The following COL13A1 variants were observed in gnomAD, a reference collection of about 807,000 sequenced individuals.
COL13A1 encodes collagen type XIII alpha 1 chain.
In COL13A1, 89 loss-of-function variants were observed where a neutral mutation model predicts 130.9. The observed-to-expected ratio is 0.68, with a 90% confidence interval of 0.57 to 0.81. The LOEUF (loss-of-function observed/expected upper bound fraction) is 0.81, where lower values mean the gene tolerates loss of function less well. Ranked by LOEUF, COL13A1 falls within the 30% of genes least tolerant of loss-of-function variation. The probability of loss-of-function intolerance (pLI) is 0.00; values close to 1 mark genes in which losing one functional copy is unlikely to be tolerated. For missense variants in COL13A1, 879 were observed against 934.6 expected (o/e 0.94, Z 0.78); for synonymous variants, 402 against 341.6 (o/e 1.18, Z -1.95).
intron 2 of COL13A1, among the ~76,000 whole-genome samples, chr10:69,833,662 A>G (rs1849334830): frequency 6.6e-6 from 1 of 152,220 alleles, no homozygotes; most frequent in Non-Finnish European, 1.5e-5. Context: ...GGCAAGTAAG[A>G]TTTCAGTAAA....
intron 35 of COL13A1, 34 bp downstream of exon 35, chr10:69,941,057 C>T: frequency 6.2e-7 from 1 of 1,613,672 alleles, no homozygotes; most frequent in Non-Finnish European, 8.5e-7. Context: ...CCTCACCCCA[C>T]TCCACTCCAC....
chr10:69,874,458 T>G (rs1430104686), intron 4 of COL13A1, among the ~76,000 whole-genome samples: 2 of 152,202 alleles, frequency 1.3e-5, no homozygotes, highest in South Asian at 2.1e-4. Context: ...GGAACAAAAC[T>G]TAATAAGCAG....
At chr10:69,939,247 C>T (rs1254303377) in intron 34 of COL13A1, among the ~76,000 whole-genome samples, 1 of 152,294 alleles carries the variant, frequency 6.6e-6, no homozygotes, top group East Asian at 1.9e-4. Flanking sequence ...GGGGAACCGT[C>T]CCTTCTCAGC....
intron 9 of COL13A1, among the ~76,000 whole-genome samples, chr10:69,889,030 C>A (rs1360382829): frequency 6.6e-6 from 1 of 152,204 alleles, no homozygotes; most frequent in Non-Finnish European, 1.5e-5. Context: ...AGTTACTCCC[C>A]AACTGCAGGC....
rs568549856 is a variant in COL13A1 at position 69,899,685 on chromosome 10, G to T, written c.750+923G>T. 4.6e-5 allele frequency among the ~76,000 whole-genome samples: 7 copies of T among 152,310 alleles called. No individual in the cohort carries two copies. The East Asian group carries it at 1.3e-3, about 29-fold the overall frequency. ...TCCTAACCCAAGGAGGCTTGGATAG[G>T]AGCAGATCACAAAGAACAAAGCCAT... On this transcript the variant is annotated intron_variant, in intron 14 of 40. Transcript: ENST00000645393.
At chr10:69,921,467 T>C (rs187295699) in intron 21 of COL13A1, among the ~76,000 whole-genome samples, 2 of 152,318 alleles carry the variant, frequency 1.3e-5, no homozygotes, top group South Asian at 2.1e-4. Context: ...AGCCCTTAGT[T>C]GCTAAGCATT....
At chr10:69,806,024 C>G (rs1841467081) in intron 1 of COL13A1, among the ~76,000 whole-genome samples, 1 of 152,270 alleles carries the variant, frequency 6.6e-6, no homozygotes, top group Admixed American at 6.5e-5. Flanking sequence ...ATGCTACACC[C>G]CTGCACTTCA....
intron 2 of COL13A1, among the ~76,000 whole-genome samples, chr10:69,859,235 T>G (rs1857285529): frequency 6.6e-6 from 1 of 152,270 alleles, no homozygotes; most frequent in South Asian, 2.1e-4. Context: ...GATGCAAAAG[T>G]AATTGCGGGT....
intron 1 of COL13A1, among the ~76,000 whole-genome samples, chr10:69,802,974 G>A (rs1213253836): frequency 1.3e-5 from 2 of 152,226 alleles, no homozygotes; most frequent in Non-Finnish European, 2.9e-5. Context: ...AGCGCCCTGG[G>A]CACGCCGGGC....
At chr10:69,869,983 A>T (rs1431084351) in intron 3 of COL13A1, among the ~76,000 whole-genome samples, 1 of 152,220 alleles carries the variant, frequency 6.6e-6, no homozygotes, top group East Asian at 1.9e-4. Flanking sequence ...AGTGTAACAT[A>T]GTGATTATGA....
intron 13 of COL13A1, chr10:69,897,605 C>T: frequency 6.6e-7 from 1 of 1,524,348 alleles, no homozygotes; most frequent in Non-Finnish European, 9.1e-7. Context: ...CAACATTGCA[C>T]ATCCCCAGGC....
At chr10:69,893,396 G>T (rs1273277420) in intron 10 of COL13A1, among the ~76,000 whole-genome samples, 1 of 152,222 alleles carries the variant, frequency 6.6e-6, no homozygotes, top group African/African-American at 2.4e-5. Context: ...AGCCACATGG[G>T]CTGGGAGTGC....
rs868340547 is a variant in COL13A1 at position 69,945,791 on chromosome 10, G to A, written c.2022+67G>A. On this transcript the variant is annotated intron_variant, in intron 37 of 40. Transcript: ENST00000645393. ...GCCCCCATTAGAAATACCCACGGCC[G>A]GCCGGGCATGGTGGCTCACACCTGT... 6.8e-5 allele frequency: 105 copies of A among 1,555,520 alleles called. 1 individual carries two copies. In the Middle Eastern group the frequency reaches 1.3e-3, roughly 19 times the overall value.
At chr10:69,805,906 T>C (rs891428381) in intron 1 of COL13A1, among the ~76,000 whole-genome samples, 1 of 152,154 alleles carries the variant, frequency 6.6e-6, no homozygotes, top group Non-Finnish European at 1.5e-5. Context: ...AAAATGGAGG[T>C]GCAGAAGGTC....
intron 2 of COL13A1, among the ~76,000 whole-genome samples, chr10:69,826,199 C>A (rs1564771564): frequency 2.0e-5 from 3 of 152,334 alleles, no homozygotes; most frequent in Admixed American, 6.5e-5. Context: ...ACAGCTACTT[C>A]AGGCCCGCCA....
chr10:69,926,988 G>C, intron 26 of COL13A1, 99 bp from the exon 27 acceptor site: 1 of 1,563,704 alleles, frequency 6.4e-7, no homozygotes, highest in Non-Finnish European at 8.8e-7. Context: ...ACGCTCCTTT[G>C]AGGGGCCTAG....
chr10:69,813,236 T>C (rs1343039463), intron 1 of COL13A1, among the ~76,000 whole-genome samples: 1 of 152,152 alleles, frequency 6.6e-6, no homozygotes, highest in Non-Finnish European at 1.5e-5. Context: ...AGATGACCCC[T>C]GGACCCCTGA....
Position 69,902,764 on chromosome 10 carries a change from C to A in COL13A1, c.767C>A (p.Ala256Asp). ...RRTFQGEQSQ[A>D]SIQGPPGPPG... ...GAACCTCAGGGCGAACAGAGCCAGG[C>A]CAGCATCCAAGGTCCACCAGGGCCC... Residue 256 changes from alanine (A) to aspartate (D), a missense_variant, in exon 15 of 41, where the codon GCC becomes GAC. Around this residue, in one of 3 missense-constraint regions of COL13A1, gnomAD observed 715 missense variants for 721.0 expected, o/e 0.99. Transcript: ENST00000645393. 1 of 1,553,958 alleles carries A rather than the reference C, an allele frequency of 6.4e-7. No individual in the cohort carries two copies. The highest frequency in any genetic ancestry group is 8.7e-7 in the Non-Finnish European group (1 of 1,148,854).
chr10:69,938,287 G>A (rs888321757), intron 34 of COL13A1, among the ~76,000 whole-genome samples: 9 of 152,136 alleles, frequency 5.9e-5, no homozygotes, highest in Admixed American at 2.0e-4. Flanking sequence ...CTGCTCAGAA[G>A]GTGTTCACAT....
Sources: allele counts gnomAD v4.1 joint callset (sites outside exome capture counted in the v4.1 genomes callset), GRCh38; gene constraint gnomAD v4.1.1; regional missense constraint gnomAD v4.1.1; transcripts MANE v1.5; gene names NCBI Gene and HGNC (gene_info 2026-07-23, HGNC 2026-07-21).